The following PDE4D variants were observed in gnomAD, a reference collection of about 807,000 sequenced individuals.
PDE4D encodes phosphodiesterase 4D.
A neutral mutation model predicts 87.4 loss-of-function variants in PDE4D; 24 were observed. The observed-to-expected ratio is 0.27, with a 90% CI of 0.20 to 0.39. The LOEUF (loss-of-function observed/expected upper bound fraction) is 0.39. Among genes scored for constraint, PDE4D ranks in the 10% least tolerant of loss-of-function variants. The pLI, the probability that PDE4D is intolerant of heterozygous loss-of-function variation, is 1.00. For synonymous variants in PDE4D, 384 were observed against 383.2 expected (o/e 1.00, Z -0.02); for missense variants, 714 against 1,041.0 (o/e 0.69, Z 4.32).
At chr5:59,476,290 G>A (rs1355592562) in intron 1 of PDE4D, among the ~76,000 whole-genome samples, 1 of 151,952 alleles carries the variant, frequency 6.6e-6, no homozygotes, top group Non-Finnish European at 1.5e-5. Context: ...GGGACTTCTG[G>A]GAGAATTGAC....
chr5:59,716,686 A>C (rs1210154174), intron 1 of PDE4D, among the ~76,000 whole-genome samples: 1 of 152,184 alleles, frequency 6.6e-6, no homozygotes, highest in Non-Finnish European at 1.5e-5. Context: ...CATTTCACAA[A>C]TATCCATTGA....
At chr5:59,293,130 C>A (rs1768364740) in intron 1 of PDE4D, among the ~76,000 whole-genome samples, 1 of 152,120 alleles carries the variant, frequency 6.6e-6, no homozygotes, top group African/African-American at 2.4e-5. Context: ...TTAATGTTTT[C>A]TCTGGAATAA....
chr5:59,893,589 C>G lies in PDE4D; in HGVS notation c.34G>C (p.Ala12Pro). Reference sequence around the variant, plus strand: ...CTGTCGCTGCCCTCTCCGCTGCCCGCCCGGGCCGGCGCGCTGCTGCCCTCT... The same window carrying G: ...CTGTCGCTGCCCTCTCCGCTGCCCGGCCGGGCCGGCGCGCTGCTGCCCTCT... ...EAEGSSAPAR[A>P]GSGEGSDSAG... Residue 12 changes from alanine to proline, a missense_variant, in exon 1 of 15, where the codon GCG (alanine) becomes CCG (proline). Coordinates refer to ENST00000340635, the MANE Select transcript of PDE4D (RefSeq NM_001104631.2). 1 of 1,522,010 alleles carries G rather than the reference C, an allele frequency of 6.6e-7. No homozygotes were observed. The highest frequency in any genetic ancestry group is 8.8e-7 in the Non-Finnish European group (1 of 1,135,690). The allele number at this position is 1,522,010 out of a possible 1,614,324, so 94.3% of individuals were successfully genotyped here.
chr5:59,893,177 C>G lies in PDE4D; in HGVS notation c.446G>C (p.Gly149Ala). The change falls in exon 1 of 15, where the codon GGA (glycine) becomes GCA (alanine). Residue 149 changes from glycine (G) to alanine (A), a missense_variant. This residue lies in a region of PDE4D where 268 missense variants were observed against 272.9 expected (regional missense o/e 0.98). Coordinates refer to ENST00000340635, the MANE Select transcript of PDE4D (RefSeq NM_001104631.2). Reference protein sequence around the residue: ...SRMSWPSSFQGLRRFDVDNGT... With the variant: ...SRMSWPSSFQALRRFDVDNGT... ...GGCGCTCTCCACTCACCGCCTGAGT[C>G]CCTGGAACGAGGAGGGCCAGGACAT... The G allele has an allele frequency of 6.4e-7, 1 of 1,561,720 alleles. No homozygotes were observed. Among genetic ancestry groups the G allele is most frequent in the Non-Finnish European group, 8.7e-7 (1 of 1,153,078 alleles).
At chr5:59,920,804 G>C (rs1754576664) in intron 3 of PDE4D, among the ~76,000 whole-genome samples, 1 of 140,528 alleles carries the variant, frequency 7.1e-6, no homozygotes, top group Middle Eastern at 3.8e-3. Context: ...GGTGGGAACT[G>C]AACAATGAGA....
chr5:59,473,834 TGAG>T lies in PDE4D; in HGVS notation c.456-257869_456-257867del, dbSNP rs1470645271. Among the ~76,000 whole-genome samples, 3 of 152,252 alleles carry T rather than the reference TGAG, an allele frequency of 2.0e-5. No individual in the cohort carries two copies. In the East Asian group the frequency reaches 5.8e-4, roughly 29 times the overall value. ...AAGTAAACTATCAGAAGAAAGTGAC[TGAG>T]GAGATTTGCCCAGCTTTTCATCACT... is the stretch of plus-strand genomic sequence containing the variant. On this transcript the variant is annotated intron_variant, in intron 1 of 14. Transcript: ENST00000340635.
chr5:60,490,399 C>T (rs574966232), upstream of PDE4D: 3 of 152,264 alleles, frequency 2.0e-5, no homozygotes, highest in South Asian at 6.2e-4. Context: ...CCTGAGCCAC[C>T]ATAATATGCT....
intron 3 of PDE4D, among the ~76,000 whole-genome samples, chr5:59,984,336 T>C (rs1762202938): frequency 6.6e-6 from 1 of 152,196 alleles, no homozygotes; most frequent in South Asian, 2.1e-4. Context: ...CATTAATAGC[T>C]GTCTCTCTTA....
At chr5:59,477,554 T>C (rs1376551728) in intron 1 of PDE4D, among the ~76,000 whole-genome samples, 1 of 152,062 alleles carries the variant, frequency 6.6e-6, no homozygotes, top group Non-Finnish European at 1.5e-5. Flanking sequence ...AAACAACAGA[T>C]ACTGGCAGGA....
chr5:60,300,864 A>G (rs1352259659), intron 1 of PDE4D, among the ~76,000 whole-genome samples: 2 of 151,796 alleles, frequency 1.3e-5, no homozygotes, highest in Non-Finnish European at 2.9e-5. Flanking sequence ...TCCACCTCCC[A>G]GGTTCAAGCA....
At chr5:59,719,917 ACT>A (rs1247966493) in intron 1 of PDE4D, among the ~76,000 whole-genome samples, 2 of 151,908 alleles carry the variant, frequency 1.3e-5, no homozygotes, top group Non-Finnish European at 2.9e-5. Context: ...TTCAATTCAA[ACT>A]CTGCTATTTC....
intron 1 of PDE4D, among the ~76,000 whole-genome samples, chr5:59,246,734 C>T (rs1461048427): frequency 6.6e-6 from 1 of 152,104 alleles, no homozygotes; most frequent in Non-Finnish European, 1.5e-5. Flanking sequence ...ACATGCATGC[C>T]AACATACTAC....
chr5:59,065,065 TATAC>T (rs1182544880), intron 5 of PDE4D, among the ~76,000 whole-genome samples: 131 of 10,512 alleles, frequency 0.012, 1 homozygote, highest in Non-Finnish European at 8.3e-3. Flanking sequence ...GTGATATATA[TATAC>T]ACACACACAC....
intron 1 of PDE4D, among the ~76,000 whole-genome samples, chr5:60,250,216 GATAAT>G (rs1250303024): frequency 6.6e-6 from 1 of 151,812 alleles, no homozygotes; most frequent in Non-Finnish European, 1.5e-5. Context: ...ATACTGTGCA[GATAAT>G]ATAACAACAA....
rs1169592586 is a variant in PDE4D, at chr5:59,954,378, A to C, written c.272+34110T>G. Among the ~76,000 whole-genome samples, 5 of 152,228 alleles carry C rather than the reference A, an allele frequency of 3.3e-5. No individual in the cohort carries two copies. The East Asian group carries it at 9.6e-4, about 29-fold the overall frequency. On this transcript the variant is annotated intron_variant, in intron 3 of 16. Coordinates refer to the PDE4D transcript ENST00000502484. ...ATTAAAAGAAGAGATTCTCCCAATA[A>C]TTATCTTAGCATAGAAGCCAATCTT...
At position 60,202,100 on chromosome 5, in the gene PDE4D, T is replaced by C. The variant is rs866504275; in HGVS notation, c.-89-16413A>G. On this transcript the variant is annotated intron_variant, in intron 1 of 16. Coordinates refer to the PDE4D transcript ENST00000502484. Reference sequence around the variant, plus strand: ...TATTTCTCTAAGGGTGAGGAAGATCTTTCTGAGCACTATATATGCCAGATG... The same window carrying C: ...TATTTCTCTAAGGGTGAGGAAGATCCTTCTGAGCACTATATATGCCAGATG... 4.6e-5 allele frequency among the ~76,000 whole-genome samples: 7 copies of C among 152,374 alleles called. 1 individual carries two copies. The East Asian group carries it at 9.6e-4, about 21-fold the overall frequency.
chr5:59,623,794 T>C (rs796456019), intron 1 of PDE4D, among the ~76,000 whole-genome samples: 2 of 152,352 alleles, frequency 1.3e-5, no homozygotes, highest in African/African-American at 4.8e-5. Flanking sequence ...TTCTCTGCAA[T>C]GCTATTTTTA....
At position 59,858,946 on chromosome 5, in the gene PDE4D, T is replaced by C. The variant is rs575282211; in HGVS notation, c.455+34222A>G. Among the ~76,000 whole-genome samples the C allele has an allele frequency of 2.5e-3, 377 of 152,302 alleles. 1 individual carries two copies. The highest frequency in any genetic ancestry group is 4.2e-3 in the Non-Finnish European group (288 of 68,022). ...AGGAACTACTATACGCTGGTTGATATTGAATAGAGGCTCCAGAACAAACAC... is the reference window on the plus strand; with the variant it reads ...AGGAACTACTATACGCTGGTTGATACTGAATAGAGGCTCCAGAACAAACAC... On this transcript the variant is annotated intron_variant, in intron 1 of 14. Coordinates refer to ENST00000340635, the MANE Select transcript of PDE4D (RefSeq NM_001104631.2).
chr5:60,161,782 T>C (rs1246480367), intron 2 of PDE4D, among the ~76,000 whole-genome samples: 1 of 152,188 alleles, frequency 6.6e-6, no homozygotes, highest in Non-Finnish European at 1.5e-5. Flanking sequence ...TAAAGTTTAC[T>C]GAGATAACAA....
Sources: gnomAD v4.1 joint callset for allele counts (sites outside exome capture counted in the v4.1 genomes callset) on GRCh38, gnomAD v4.1.1 for gene constraint, gnomAD v4.1.1 regional missense constraint, MANE v1.5 for transcripts, NCBI Gene and HGNC (gene_info 2026-07-23, HGNC 2026-07-21) for gene names.